SCAI: variants seen among roughly 807,000 people sequenced by gnomAD.
SCAI encodes the protein protein SCAI.
SCAI carries 24 observed loss-of-function variants against 92.2 expected under a neutral mutation model. The ratio of observed to expected loss-of-function variants is 0.26; its 90% CI spans 0.19 to 0.37. The LOEUF is 0.37. SCAI is among the 10% of genes least tolerant of loss of function. SCAI has a pLI of 1.00. For missense variants in SCAI, 450 were observed against 736.2 expected, an observed-to-expected ratio of 0.61 and a Z score of 4.50; for synonymous variants, 261 against 258.6, an observed-to-expected ratio of 1.01 and a Z score of -0.09.
chr9:124,962,736 A>C (rs920337265), intron 17 of SCAI, among the ~76,000 whole-genome samples: 4 of 152,112 alleles, frequency 2.6e-5, no homozygotes, highest in Non-Finnish European at 5.9e-5. Context: ...CAGATAACAT[A>C]AACAGTCAAT....
chr9:125,030,586 CA>C (rs1405374980), intron 3 of SCAI, among the ~76,000 whole-genome samples: 33 of 152,128 alleles, frequency 2.2e-4, no homozygotes, highest in Non-Finnish European at 4.4e-5. Flanking sequence ...ACGTTATTGC[CA>C]TAACAAACAT....
chr9:125,019,237 T>TA (rs1265602115), intron 7 of SCAI, 32 bp from the exon 8 acceptor site: 2 of 1,291,896 alleles, frequency 1.5e-6, no homozygotes. Flanking sequence ...AAAAGGTTAT[T>TA]AAAAAACCCA....
intron 17 of SCAI, among the ~76,000 whole-genome samples, chr9:124,965,057 G>T (rs1211602879): frequency 6.7e-6 from 1 of 149,700 alleles, no homozygotes; most frequent in Admixed American, 6.6e-5. Flanking sequence ...GCTGCCTCTT[G>T]GTTGGCAGAA....
At position 124,962,457 on chromosome 9, in the gene SCAI, G is replaced by A. The variant is rs938836133; in HGVS notation, c.1674+8913C>T. 4.6e-5 allele frequency among the ~76,000 whole-genome samples: 7 copies of A among 151,958 alleles called. No individual in the cohort carries two copies. The East Asian group carries it at 7.8e-4, about 17-fold the overall frequency. Reference sequence around the variant, plus strand: ...ATTACAGGTGTGAGCTACTGTGCCCGGTCTGTAAGTATGTCTTATAGCAAC... The same window carrying A: ...ATTACAGGTGTGAGCTACTGTGCCCAGTCTGTAAGTATGTCTTATAGCAAC... On this transcript the variant is annotated intron_variant, in intron 17 of 17. Transcript: ENST00000336505.
intron 2 of SCAI, among the ~76,000 whole-genome samples, chr9:125,088,233 C>G (rs1834361741): frequency 6.6e-6 from 1 of 152,092 alleles, no homozygotes; most frequent in African/African-American, 2.4e-5. Flanking sequence ...GTAGCTGGAA[C>G]TACAGATGCA....
intron 2 of SCAI, among the ~76,000 whole-genome samples, chr9:125,133,156 G>A (rs577789315): frequency 2.6e-5 from 4 of 152,216 alleles, no homozygotes; most frequent in African/African-American, 4.8e-5. Flanking sequence ...TTGGGAGGCC[G>A]CTGTGGGCAG....
chr9:125,005,439 C>T (rs1345570111), intron 9 of SCAI, among the ~76,000 whole-genome samples: 1 of 152,190 alleles, frequency 6.6e-6, no homozygotes, highest in Non-Finnish European at 1.5e-5. Flanking sequence ...TCAAGTGATT[C>T]TCTTGCCTCA....
chr9:124,956,992 T>A (rs1484674971), intron 17 of SCAI, among the ~76,000 whole-genome samples: 2 of 150,998 alleles, frequency 1.3e-5, no homozygotes, highest in East Asian at 3.9e-4. Context: ...CAACTGTATT[T>A]TTTTTTTTTT....
At chr9:125,123,515 G>T (rs1053366636) in intron 2 of SCAI, among the ~76,000 whole-genome samples, 2 of 152,172 alleles carry the variant, frequency 1.3e-5, no homozygotes, top group Non-Finnish European at 2.9e-5. Context: ...GGTGGCTCAC[G>T]CCTGTAATCC....
intron 2 of SCAI, among the ~76,000 whole-genome samples, chr9:125,084,158 C>CCTTTTTTT (rs1224570781): frequency 9.2e-5 from 6 of 65,118 alleles, no homozygotes; most frequent in African/African-American, 3.3e-4. Flanking sequence ...TTGGCTGCTG[C>CCTTTTTTT]TTTTTTTTTT....
intron 3 of SCAI, among the ~76,000 whole-genome samples, chr9:125,053,695 G>C (rs1020400304): frequency 6.6e-6 from 1 of 152,152 alleles, no homozygotes; most frequent in Non-Finnish European, 1.5e-5. Flanking sequence ...ATAGGAACCG[G>C]ATTTCTTTTG....
intron 2 of SCAI, among the ~76,000 whole-genome samples, chr9:125,086,769 G>C (rs994994084): frequency 6.6e-6 from 1 of 152,168 alleles, no homozygotes; most frequent in Non-Finnish European, 1.5e-5. Flanking sequence ...ACTCAATCCT[G>C]GTGCTGCCAC....
intron 2 of SCAI, among the ~76,000 whole-genome samples, chr9:125,109,657 C>T (rs748073957): frequency 1.8e-5 from 2 of 111,442 alleles, no homozygotes; most frequent in Non-Finnish European, 4.3e-5. Flanking sequence ...TTCCATTTAT[C>T]TATCTATCTA....
intron 2 of SCAI, among the ~76,000 whole-genome samples, chr9:125,128,771 A>T (rs1835334228): frequency 6.7e-6 from 1 of 150,064 alleles, no homozygotes; most frequent in East Asian, 2.0e-4. Flanking sequence ...AAAATAAATA[A>T]TTGAATTCAG....
chr9:124,968,796 G>A, intron 17 of SCAI: 1 of 771,736 alleles, frequency 1.3e-6, no homozygotes, highest in South Asian at 1.4e-5. Flanking sequence ...GGCGATTCCA[G>A]TGCGCAGGCC....
rs142342016 is a variant in SCAI at position 124,961,563 on chromosome 9, T to C, written c.1675-8610A>G. Among the ~76,000 whole-genome samples, 1,457 of 151,592 alleles carry C rather than the reference T, an allele frequency of 9.6e-3. 13 individuals carry two copies. Among genetic ancestry groups the C allele is most frequent in the Non-Finnish European group, 0.017 (1,173 of 67,910 alleles). The stretch of plus-strand genomic sequence containing the variant: ...TACTCGGGAGGCTGAGGCAGGAGAA[T>C]TGCTTGAACCCAGGAGGCAGAAGTT... On this transcript the variant is annotated intron_variant, in intron 17 of 17. Transcript: ENST00000336505.
At chr9:124,987,127 G>A (rs1334867226) in intron 14 of SCAI, among the ~76,000 whole-genome samples, 1 of 152,270 alleles carries the variant, frequency 6.6e-6, no homozygotes, top group East Asian at 1.9e-4. Flanking sequence ...AGGTTCAAGA[G>A]ATTCTCCTGC....
At chr9:125,011,148 A>G (rs10819025) in intron 9 of SCAI, among the ~76,000 whole-genome samples, 79,388 of 145,314 alleles carry the variant, frequency 0.55, 19,330 homozygotes, top group African/African-American at 0.6. Context: ...AAAGGAATGC[A>G]GCTCCTCACC....
At chr9:124,969,304 C>T (rs985837373) in intron 17 of SCAI, among the ~76,000 whole-genome samples, 2 of 152,034 alleles carry the variant, frequency 1.3e-5, no homozygotes, top group African/African-American at 4.8e-5. Flanking sequence ...AAATAATATT[C>T]TGAAACCAAA....
Sources: allele counts gnomAD v4.1 joint callset (sites outside exome capture counted in the v4.1 genomes callset), GRCh38; gene constraint gnomAD v4.1.1; transcripts MANE v1.5; gene names NCBI Gene and HGNC (gene_info 2026-07-23, HGNC 2026-07-21).